GNG4: variants seen among roughly 807,000 people sequenced by gnomAD.
GNG4 encodes guanine nucleotide-binding protein G(I)/G(S)/G(O) subunit gamma-4.
Under a neutral mutation model 5.8 loss-of-function variants are expected in GNG4, and 4 were observed. The ratio of observed to expected loss-of-function variants is 0.69; its 90% confidence interval spans 0.34 to 1.57. The LOEUF (loss-of-function observed/expected upper bound fraction) is 1.57, where lower values mean the gene tolerates loss of function less well. Ranked by LOEUF, GNG4 falls within the 40% of genes most tolerant of loss-of-function variation. The pLI, the probability that GNG4 is intolerant of heterozygous loss-of-function variation, is 0.06. For missense variants in GNG4, 96 were observed against 95.1 expected (o/e 1.01, Z -0.04); for synonymous variants, 29 against 32.9 (o/e 0.88, Z 0.41).
intron 2 of GNG4, 52 bp from the exon 3 acceptor site, chr1:235,583,900 G>GGTTCCCCTACCCTT: frequency 8.6e-7 from 1 of 1,156,786 alleles, no homozygotes; most frequent in Non-Finnish European, 1.3e-6. Context: ...CCAAGGGTAG[G>GGTTCCCCTACCCTT]GGAACCCCAC....
chr1:235,636,880 AC>A (rs1405252343), intron 1 of GNG4, among the ~76,000 whole-genome samples: 1 of 151,964 alleles, frequency 6.6e-6, no homozygotes, highest in Non-Finnish European at 1.5e-5. Context: ...GCAAGAGGAT[AC>A]CCTAGGAACA....
At chr1:235,567,416 T>C (rs541336455) in intron 3 of GNG4, among the ~76,000 whole-genome samples, 35 of 152,254 alleles carry the variant, frequency 2.3e-4, no homozygotes, top group Admixed American at 2.2e-3. Flanking sequence ...GTACCATCCG[T>C]CTCCAGAACT....
intron 1 of GNG4, among the ~76,000 whole-genome samples, chr1:235,609,877 AAAAAGAAAAGAAAAAAAAAGT>A (rs559820305): frequency 9.4e-4 from 143 of 152,292 alleles, no homozygotes; most frequent in African/African-American, 3.4e-3. Flanking sequence ...CCTGTCTCAA[AAAAAGAAAAGAAAAAAAAAGT>A]TTCTTGAACC....
intron 1 of GNG4, among the ~76,000 whole-genome samples, chr1:235,632,006 C>A (rs142629317): frequency 6.2e-4 from 94 of 152,320 alleles, no homozygotes; most frequent in African/African-American, 2.2e-3. Flanking sequence ...AGGTCACCAG[C>A]AGAGGGCTGT....
intron 1 of GNG4, among the ~76,000 whole-genome samples, chr1:235,631,756 T>C (rs111990990): frequency 0.051 from 7,756 of 151,918 alleles, 637 homozygotes; most frequent in African/African-American, 0.17. Flanking sequence ...TTAGTAGAGA[T>C]GGGGTTTCAC....
At chr1:235,607,894 G>A (rs1470299446) in intron 1 of GNG4, among the ~76,000 whole-genome samples, 1 of 151,916 alleles carries the variant, frequency 6.6e-6, no homozygotes, top group African/African-American at 2.4e-5. Context: ...GAAAGATGAG[G>A]TGACTCCATC....
At chr1:235,603,261 TTAATAATAATAA>T (rs150938328) in intron 1 of GNG4, among the ~76,000 whole-genome samples, 4 of 147,608 alleles carry the variant, frequency 2.7e-5, no homozygotes, top group African/African-American at 5.0e-5. Flanking sequence ...ATAATAATAA[TTAATAATAATAA>T]TAATAATAAT....
At chr1:235,571,664 G>A (rs753492366) in intron 3 of GNG4, among the ~76,000 whole-genome samples, 1 of 152,056 alleles carries the variant, frequency 6.6e-6, no homozygotes, top group Admixed American at 6.6e-5. Flanking sequence ...GCTTAATGAC[G>A]GGGATATGTT....
At chr1:235,604,154 A>G (rs1340815156) in intron 1 of GNG4, among the ~76,000 whole-genome samples, 1 of 152,244 alleles carries the variant, frequency 6.6e-6, no homozygotes, top group Non-Finnish European at 1.5e-5. Context: ...GGGTTATTCA[A>G]GTTACTCAAA....
intron 3 of GNG4, among the ~76,000 whole-genome samples, chr1:235,573,400 C>G (rs1366817007): frequency 6.6e-6 from 1 of 151,458 alleles, no homozygotes; most frequent in Non-Finnish European, 1.5e-5. Flanking sequence ...GTGCAGCACA[C>G]CAAATATGGC....
At chr1:235,584,537 A>T (rs1376152494) in intron 2 of GNG4, among the ~76,000 whole-genome samples, 2 of 152,004 alleles carry the variant, frequency 1.3e-5, no homozygotes, top group African/African-American at 2.4e-5. Context: ...ACAAACACAC[A>T]CTCTCTCTCT....
chr1:235,605,785 G>T (rs942973750), intron 1 of GNG4, among the ~76,000 whole-genome samples: 1 of 151,986 alleles, frequency 6.6e-6, no homozygotes, highest in Admixed American at 6.6e-5. Context: ...ACCCTGGGTG[G>T]TCCCTTATTC....
intron 1 of GNG4, among the ~76,000 whole-genome samples, chr1:235,601,712 TC>T (rs914955749): frequency 2.0e-5 from 3 of 152,174 alleles, no homozygotes; most frequent in African/African-American, 7.2e-5. Flanking sequence ...GCTTTGTGAC[TC>T]ACGTCTTGCC....
chr1:235,584,964 G>A (rs1687724336), intron 2 of GNG4, among the ~76,000 whole-genome samples: 1 of 152,146 alleles, frequency 6.6e-6, no homozygotes, highest in Admixed American at 6.6e-5. Flanking sequence ...TACTTTCAAA[G>A]TTAAAATGAT....
At chr1:235,634,483 G>T (rs1688990420) in intron 1 of GNG4, among the ~76,000 whole-genome samples, 1 of 152,220 alleles carries the variant, frequency 6.6e-6, no homozygotes, top group African/African-American at 2.4e-5. Context: ...CGAGGGTCTG[G>T]TGATATCTGG....
chr1:235,560,546 A>G, intron 3 of GNG4, among the ~76,000 whole-genome samples: 1 of 152,222 alleles, frequency 6.6e-6, no homozygotes, highest in East Asian at 1.9e-4. Context: ...ACAGCAGCAC[A>G]AGCCAACTGA....
intron 2 of GNG4, among the ~76,000 whole-genome samples, chr1:235,593,379 A>C (rs1367031745): frequency 6.6e-6 from 1 of 152,180 alleles, no homozygotes; most frequent in African/African-American, 2.4e-5. Context: ...ACGGCACAGT[A>C]CTTAGAATTT....
At chr1:235,563,293 C>A (rs369410210) in intron 3 of GNG4, among the ~76,000 whole-genome samples, 4 of 150,606 alleles carry the variant, frequency 2.7e-5, no homozygotes, top group South Asian at 2.1e-4. Context: ...CGTAGCGGTG[C>A]GCACCTGTAG....
intron 1 of GNG4, among the ~76,000 whole-genome samples, chr1:235,636,723 C>T (rs1689047028): frequency 6.6e-6 from 1 of 152,190 alleles, no homozygotes; most frequent in Non-Finnish European, 1.5e-5. Context: ...ATCCCCAATA[C>T]TGACAGGCGA....
Sources: allele counts gnomAD v4.1 joint callset (sites outside exome capture counted in the v4.1 genomes callset), GRCh38; gene constraint gnomAD v4.1.1; transcripts MANE v1.5; gene names NCBI Gene and HGNC (gene_info 2026-07-23, HGNC 2026-07-21).